INSL6: variants seen among roughly 807,000 people sequenced by gnomAD.
INSL6 encodes the protein insulin-like peptide INSL6.
INSL6 carries 16 observed loss-of-function variants against 9.4 expected under a neutral mutation model. That is an observed-to-expected ratio of 1.70 (90% confidence interval 1.15 to 2.59). The LOEUF is 2.59. Ranked by LOEUF, INSL6 falls within the 30% of genes most tolerant of loss-of-function variation. The probability of loss-of-function intolerance (pLI) is 0.00; values close to 1 mark genes in which losing one functional copy is unlikely to be tolerated. For synonymous variants in INSL6, 154 were observed against 96.9 expected (o/e 1.59, Z -3.46); for missense variants, 391 against 257.3 (o/e 1.52, Z -3.56).
the INSL6 span, among the ~76,000 whole-genome samples, chr9:5,104,824 TA>T: frequency 2.0e-5 from 3 of 152,206 alleles, no homozygotes; most frequent in Admixed American, 2.0e-4. Flanking sequence ...ATTATTTCAA[TA>T]GATGCACAAA....
Position 5,158,755 on chromosome 9 carries a change from T to A in INSL6, c.376+5424A>T, listed in dbSNP as rs181549954. On this transcript the variant is annotated intron_variant, in intron 2 of 3. Transcript: ENST00000649639. Reference sequence around the variant, plus strand: ...GATCTGTCCCACAAAAAATGTTAATTCTTCAACCTAAAAGAAAAGGATGTT... The same window carrying A: ...GATCTGTCCCACAAAAAATGTTAATACTTCAACCTAAAAGAAAAGGATGTT... 3.3e-5 allele frequency among the ~76,000 whole-genome samples: 5 copies of A among 152,220 alleles called. No homozygotes were observed. In the East Asian group the frequency reaches 9.7e-4, roughly 29 times the overall value.
chr9:5,041,469 C>G, the INSL6 span: 6 of 604,842 alleles, frequency 9.9e-6, no homozygotes, highest in African/African-American at 1.1e-4. Flanking sequence ...GGGCTCAAGG[C>G]TGACACGATC....
At chr9:5,069,153 T>G in the INSL6 span, 775 of 1,613,138 alleles carry the variant, frequency 4.8e-4, 1 homozygote, top group African/African-American at 9.2e-3. Flanking sequence ...TGGAAACTGT[T>G]CGCTCAGACA....
chr9:5,110,780 G>A, the INSL6 span: 80 of 395,786 alleles, frequency 2.0e-4, no homozygotes, highest in African/African-American at 9.4e-4. Context: ...GGAGTGGTAA[G>A]GGCCCGGGCC....
chr9:5,049,186 C>A, the INSL6 span, among the ~76,000 whole-genome samples: 1 of 152,088 alleles, frequency 6.6e-6, no homozygotes, highest in African/African-American at 2.4e-5. Context: ...AAAGAGCCTC[C>A]GTAAATACAC....
the INSL6 span, chr9:5,041,525 C>T: frequency 1.8e-6 from 1 of 547,610 alleles, no homozygotes; most frequent in Non-Finnish European, 3.6e-6. Flanking sequence ...CCACGCCCAT[C>T]GAAGTGCTCT....
chr9:5,081,177 G>C, the INSL6 span, among the ~76,000 whole-genome samples: 1 of 151,824 alleles, frequency 6.6e-6, no homozygotes. Context: ...TTACAGGCTT[G>C]AGCCACCGCT....
At chr9:5,146,656 C>G (rs571543964) in intron 2 of INSL6, among the ~76,000 whole-genome samples, 1 of 152,228 alleles carries the variant, frequency 6.6e-6, no homozygotes, top group Non-Finnish European at 1.5e-5. Flanking sequence ...CCATCTGCAA[C>G]GGCAGTCAAC....
At chr9:5,093,796 A>G in the INSL6 span, among the ~76,000 whole-genome samples, 1 of 152,202 alleles carries the variant, frequency 6.6e-6, no homozygotes, top group African/African-American at 2.4e-5. Context: ...ATGTTGGATC[A>G]GGACATCCTA....
At chr9:5,139,759 G>C (rs113566992) in intron 2 of INSL6, among the ~76,000 whole-genome samples, 3 of 152,094 alleles carry the variant, frequency 2.0e-5, no homozygotes, top group African/African-American at 7.2e-5. Flanking sequence ...CTAGAGCCCA[G>C]CTCTTCTGAT....
the INSL6 span, among the ~76,000 whole-genome samples, chr9:5,102,182 A>G: frequency 2.6e-5 from 4 of 152,228 alleles, no homozygotes. Context: ...TAAACAGTGT[A>G]GAGAAGACCT....
intron 1 of INSL6, among the ~76,000 whole-genome samples, chr9:5,181,821 G>T (rs1354267415): frequency 6.6e-6 from 1 of 152,122 alleles, no homozygotes; most frequent in Non-Finnish European, 1.5e-5. Context: ...AAATCCAAAA[G>T]GTTAACATGT....
the INSL6 span, chr9:5,044,536 C>G: frequency 4.3e-6 from 6 of 1,386,202 alleles, no homozygotes; most frequent in Non-Finnish European, 6.0e-6. Context: ...ATTATATTAT[C>G]TTACTTGTAC....
chr9:5,126,096 G>A, intron 3 of INSL6: 1 of 347,858 alleles, frequency 2.9e-6, no homozygotes, highest in Non-Finnish European at 5.2e-6. Context: ...CATGTGTTTT[G>A]AGCCCTCCTC....
At chr9:5,085,393 C>G in the INSL6 span, 1 of 859,254 alleles carries the variant, frequency 1.2e-6, no homozygotes, top group Non-Finnish European at 2.0e-6. Context: ...GTCGGGGCAT[C>G]CTAGAACAGA....
At chr9:5,118,993 T>C (rs1472544232), downstream of INSL6, among the ~76,000 whole-genome samples, 1 of 152,216 alleles carries the variant, frequency 6.6e-6, no homozygotes, top group Non-Finnish European at 1.5e-5. Flanking sequence ...CACGTGGATG[T>C]ACCTTGTTTA....
At chr9:5,072,118 G>T in the INSL6 span, among the ~76,000 whole-genome samples, 1 of 152,164 alleles carries the variant, frequency 6.6e-6, no homozygotes, top group Non-Finnish European at 1.5e-5. Flanking sequence ...GAGAAAGTCA[G>T]ATATTCTGCC....
At chr9:5,075,423 A>T in the INSL6 span, among the ~76,000 whole-genome samples, 9 of 152,210 alleles carry the variant, frequency 5.9e-5, no homozygotes, top group African/African-American at 1.7e-4. Context: ...GCTAAGGGCC[A>T]ATGCCATTGG....
At chr9:5,091,984 G>T in the INSL6 span, among the ~76,000 whole-genome samples, 1 of 152,110 alleles carries the variant, frequency 6.6e-6, no homozygotes, top group Non-Finnish European at 1.5e-5. Context: ...GGAATCCGGC[G>T]AAGATACTGC....
Sources: gnomAD v4.1 joint callset for allele counts (sites outside exome capture counted in the v4.1 genomes callset) on GRCh38, gnomAD v4.1.1 for gene constraint, MANE v1.5 for transcripts, NCBI Gene and HGNC (gene_info 2026-07-23, HGNC 2026-07-21) for gene names.